The following CADPS2 variants were observed in gnomAD, a reference collection of about 807,000 sequenced individuals.
CADPS2 encodes the protein calcium-dependent secretion activator 2.
In CADPS2, 93 loss-of-function variants were observed where a neutral mutation model predicts 172.5. That is an observed-to-expected ratio of 0.54 (90% CI 0.46 to 0.64). CADPS2 has a LOEUF of 0.64. CADPS2 is among the 30% of genes least tolerant of loss of function. The pLI is 0.00. For synonymous variants in CADPS2, 546 were observed against 555.2 expected (o/e 0.98, Z 0.23); for missense variants, 1,420 against 1,565.9 (o/e 0.91, Z 1.57).
At chr7:122,861,047 C>T (rs763629168) in intron 1 of CADPS2, among the ~76,000 whole-genome samples, 4 of 152,138 alleles carry the variant, frequency 2.6e-5, no homozygotes, top group Non-Finnish European at 4.4e-5. Flanking sequence ...CTATTGTGTA[C>T]AGTACTGTAG....
intron 1 of CADPS2, among the ~76,000 whole-genome samples, chr7:122,808,268 C>T (rs909986914): frequency 1.3e-5 from 2 of 152,104 alleles, no homozygotes; most frequent in African/African-American, 4.8e-5. Flanking sequence ...TCCCTGGCAA[C>T]ATTCTATGTT....
intron 2 of CADPS2, among the ~76,000 whole-genome samples, chr7:122,727,571 TCA>T (rs1394021248): frequency 2.0e-5 from 3 of 151,856 alleles, no homozygotes; most frequent in South Asian, 4.2e-4. Context: ...ATTGACACTC[TCA>T]GTTTCACCTA....
intron 3 of CADPS2, among the ~76,000 whole-genome samples, chr7:122,637,537 T>C (rs1205827355): frequency 6.6e-6 from 1 of 152,172 alleles, no homozygotes; most frequent in Admixed American, 6.5e-5. Context: ...TTAAAATAGC[T>C]ATTTTGTCTT....
At chr7:122,647,124 G>A (rs1192363539) in intron 3 of CADPS2, among the ~76,000 whole-genome samples, 14 of 152,082 alleles carry the variant, frequency 9.2e-5, no homozygotes, top group Admixed American at 5.9e-4. Flanking sequence ...GACACAGTGC[G>A]AAACGAGGAA....
At chr7:122,424,382 C>T in intron 17 of CADPS2, 1 of 973,372 alleles carries the variant, frequency 1.0e-6, no homozygotes, top group East Asian at 1.1e-4. Context: ...AGCTGTTGAA[C>T]AAAGGAGAAT....
chr7:122,470,451 T>G (rs2152146786), intron 14 of CADPS2, among the ~76,000 whole-genome samples: 1 of 152,102 alleles, frequency 6.6e-6, no homozygotes. Context: ...TTGAGCAAGA[T>G]TAAGAGAAGG....
chr7:122,835,888 A>C (rs1299230339), intron 1 of CADPS2, among the ~76,000 whole-genome samples: 2 of 152,238 alleles, frequency 1.3e-5, no homozygotes, highest in African/African-American at 2.4e-5. Context: ...TCCCCAATCT[A>C]GCAAGGCAGG....
At chr7:122,818,918 T>C (rs1802306174) in intron 1 of CADPS2, among the ~76,000 whole-genome samples, 1 of 152,084 alleles carries the variant, frequency 6.6e-6, no homozygotes, top group African/African-American at 2.4e-5. Flanking sequence ...CCCTAAAAGG[T>C]CAAAAGGCCG....
chr7:122,808,152 G>A (rs772774050), intron 1 of CADPS2, among the ~76,000 whole-genome samples: 14 of 151,990 alleles, frequency 9.2e-5, no homozygotes, highest in South Asian at 2.1e-4. Flanking sequence ...GAGTGCTCAC[G>A]ATTACCAGAT....
At chr7:122,428,210 TC>T (rs2049404221) in intron 17 of CADPS2, among the ~76,000 whole-genome samples, 1 of 152,118 alleles carries the variant, frequency 6.6e-6, no homozygotes, top group African/African-American at 2.4e-5. Flanking sequence ...GCCTTTTACA[TC>T]CTGTTGACAT....
At chr7:122,759,067 G>C (rs1302492117) in intron 1 of CADPS2, among the ~76,000 whole-genome samples, 1 of 151,850 alleles carries the variant, frequency 6.6e-6, no homozygotes, top group African/African-American at 2.4e-5. Flanking sequence ...CAGTTTCAGA[G>C]CAGGAAACTA....
chr7:122,638,328 C>G (rs182381815), intron 3 of CADPS2, among the ~76,000 whole-genome samples: 1 of 152,138 alleles, frequency 6.6e-6, no homozygotes, highest in Non-Finnish European at 1.5e-5. Context: ...GTCCTCCCCA[C>G]CCCCTGCTTG....
intron 6 of CADPS2, among the ~76,000 whole-genome samples, chr7:122,581,885 T>C (rs574503324): frequency 1.3e-5 from 2 of 152,116 alleles, no homozygotes; most frequent in Non-Finnish European, 2.9e-5. Context: ...AGGGAATAAG[T>C]CTGTAGACAT....
intron 20 of CADPS2, among the ~76,000 whole-genome samples, chr7:122,394,164 C>G (rs1335282809): frequency 6.6e-6 from 1 of 152,150 alleles, no homozygotes; most frequent in Non-Finnish European, 1.5e-5. Flanking sequence ...AAAAACAGCA[C>G]ATGACCTGGA....
chr7:122,377,873 G>A (rs2042538395), intron 25 of CADPS2, among the ~76,000 whole-genome samples: 1 of 151,974 alleles, frequency 6.6e-6, no homozygotes, highest in African/African-American at 2.4e-5. Flanking sequence ...TTCTAACATC[G>A]TTTTTCTTTG....
At chr7:122,442,468 T>G (rs904487379) in intron 15 of CADPS2, among the ~76,000 whole-genome samples, 4 of 152,160 alleles carry the variant, frequency 2.6e-5, no homozygotes, top group Non-Finnish European at 5.9e-5. Flanking sequence ...GACTTAGAAA[T>G]CTGCAAACTA....
intron 1 of CADPS2, among the ~76,000 whole-genome samples, chr7:122,764,253 G>A (rs1455842106): frequency 6.6e-6 from 1 of 152,036 alleles, no homozygotes; most frequent in Non-Finnish European, 1.5e-5. Context: ...TCATATCCCT[G>A]TCACAGAAGA....
chr7:122,328,162 C>T (rs1249783452), intron 28 of CADPS2, among the ~76,000 whole-genome samples: 3 of 109,718 alleles, frequency 2.7e-5, no homozygotes, highest in Non-Finnish European at 6.2e-5. Context: ...CACACACACG[C>T]ACGCACACAC....
At chr7:122,379,279 T>C in intron 25 of CADPS2, 89 bp downstream of exon 25, 1 of 827,986 alleles carries the variant, frequency 1.2e-6, no homozygotes, top group Non-Finnish European at 1.8e-6. Context: ...AACTACATTT[T>C]TTCTCAATTA....
Sources: allele counts gnomAD v4.1 joint callset (sites outside exome capture counted in the v4.1 genomes callset), GRCh38; gene constraint gnomAD v4.1.1; transcripts MANE v1.5; gene names NCBI Gene and HGNC (gene_info 2026-07-23, HGNC 2026-07-21).